CORIN: variants seen among roughly 807,000 people sequenced by gnomAD.
The protein encoded by CORIN is corin, serine peptidase, also known as atrial natriuretic peptide-converting enzyme.
CORIN carries 117 observed loss-of-function variants against 125.3 expected under a neutral mutation model. The ratio of observed to expected loss-of-function variants is 0.93; its 90% CI spans 0.80 to 1.09. The LOEUF (loss-of-function observed/expected upper bound fraction) is 1.09. Ranked by LOEUF, CORIN falls within the 50% of genes least tolerant of loss-of-function variation. The pLI is 0.00. For missense variants in CORIN, 1,253 were observed against 1,306.7 expected (o/e 0.96, Z 0.63); for synonymous variants, 450 against 466.4 (o/e 0.96, Z 0.45).
chr4:47,668,422 T>C (rs369803904), intron 10 of CORIN, among the ~76,000 whole-genome samples: 1 of 152,228 alleles, frequency 6.6e-6, no homozygotes, highest in Admixed American at 6.5e-5. Flanking sequence ...CTGTTTGCTT[T>C]TGCCAAAGCA....
intron 5 of CORIN, among the ~76,000 whole-genome samples, chr4:47,717,239 T>C (rs1045450120): frequency 6.6e-6 from 1 of 152,178 alleles, no homozygotes; most frequent in Non-Finnish European, 1.5e-5. Flanking sequence ...AACTCACGTA[T>C]ACGAACCAGT....
Position 47,796,412 on chromosome 4 carries a change from G to A in CORIN, c.209-9487C>T, listed in dbSNP as rs962408804. Reference sequence around the variant, plus strand: ...TCATAGAAGCAGAAAGCAGAATGGCGATTGCCAGAGGGGAAGAGGAAATAA... The same window carrying A: ...TCATAGAAGCAGAAAGCAGAATGGCAATTGCCAGAGGGGAAGAGGAAATAA... On this transcript the variant is annotated intron_variant, in intron 2 of 21. Transcript: ENST00000273857. Among the ~76,000 whole-genome samples, 7 of 152,054 alleles carry A rather than the reference G, an allele frequency of 4.6e-5. No homozygotes were observed. The East Asian group carries it at 5.8e-4, about 13-fold the overall frequency.
chr4:47,636,286 A>G (rs1723023266), intron 16 of CORIN, among the ~76,000 whole-genome samples: 1 of 152,226 alleles, frequency 6.6e-6, no homozygotes, highest in East Asian at 1.9e-4. Context: ...AAGCTTGTGG[A>G]GCCCAGAGAT....
At chr4:47,713,619 G>A (rs1726952284) in intron 5 of CORIN, among the ~76,000 whole-genome samples, 1 of 152,058 alleles carries the variant, frequency 6.6e-6, no homozygotes, top group African/African-American at 2.4e-5. Context: ...ACCTGCCTAA[G>A]ACTTTCTTGC....
chr4:47,668,634 T>C (rs370643783), intron 10 of CORIN, among the ~76,000 whole-genome samples: 20 of 152,254 alleles, frequency 1.3e-4, no homozygotes, highest in African/African-American at 4.1e-4. Flanking sequence ...CGTTTCTTTC[T>C]TTCTACCACC....
intron 5 of CORIN, among the ~76,000 whole-genome samples, chr4:47,713,993 G>C (rs983023175): frequency 1.3e-5 from 2 of 152,054 alleles, no homozygotes; most frequent in Non-Finnish European, 2.9e-5. Context: ...AATTAAAATA[G>C]AGGTACCTCA....
Position 47,733,815 on chromosome 4 carries a change from A to G in CORIN, c.799+10587T>C, listed in dbSNP as rs1249828888. Among the ~76,000 whole-genome samples the G allele has an allele frequency of 2.0e-5, 3 of 152,258 alleles. No individual in the cohort carries two copies. In the South Asian group the frequency reaches 6.2e-4, roughly 31 times the overall value. ...ACAAGACCTAGCATCAACATAAGAT[A>G]GAAAGGATAAGACAACTGTGTGTCC... is the stretch of plus-strand genomic sequence containing the variant. On this transcript the variant is annotated intron_variant, in intron 5 of 21. Transcript: ENST00000273857.
At chr4:47,789,252 C>T (rs989039406) in intron 2 of CORIN, among the ~76,000 whole-genome samples, 2 of 151,892 alleles carry the variant, frequency 1.3e-5, no homozygotes, top group African/African-American at 4.8e-5. Flanking sequence ...TGCAGTGAGC[C>T]GAGTTTGCAC....
intron 2 of CORIN, among the ~76,000 whole-genome samples, chr4:47,801,008 C>T (rs547228131): frequency 5.3e-5 from 8 of 152,106 alleles, no homozygotes; most frequent in Admixed American, 4.6e-4. Flanking sequence ...CATGGCAGAC[C>T]TCCCTTCTCA....
chr4:47,708,718 G>T (rs1726697356), intron 5 of CORIN, among the ~76,000 whole-genome samples: 1 of 151,938 alleles, frequency 6.6e-6, no homozygotes. Flanking sequence ...CCCTCCTATT[G>T]CCTTTGTCAG....
At chr4:47,773,098 T>C (rs1008653689) in intron 3 of CORIN, among the ~76,000 whole-genome samples, 2 of 152,152 alleles carry the variant, frequency 1.3e-5, no homozygotes, top group African/African-American at 2.4e-5. Flanking sequence ...ACAAAGGCAC[T>C]TAGTGCTATA....
chr4:47,753,504 C>T (rs1026382469), intron 4 of CORIN, among the ~76,000 whole-genome samples: 9 of 152,020 alleles, frequency 5.9e-5, no homozygotes, highest in Non-Finnish European at 7.4e-5. Context: ...TTATCTCAAC[C>T]GCATCAGACA....
chr4:47,603,429 T>C lies in CORIN; in HGVS notation c.2780A>G (p.Tyr927Cys), dbSNP rs770851711. Reference protein sequence around the residue: ...EQWLEPDTYCYITGWGHMGNK... With the variant: ...EQWLEPDTYCCITGWGHMGNK... Reference sequence around the variant, plus strand: ...GCCCATGTGGCCCCAGCCTGTGATATAGCAGTACGTGTCAGGCTCTAGCCA... The same window carrying C: ...GCCCATGTGGCCCCAGCCTGTGATACAGCAGTACGTGTCAGGCTCTAGCCA... Residue 927 changes from tyrosine to cysteine, a missense_variant, in exon 20 of 22, where the codon TAT (tyrosine) becomes TGT (cysteine). Physicochemically the swap from Tyr to Cys is radical, Grantham distance 194 (BLOSUM62 -2). Coordinates refer to ENST00000273857, the MANE Select transcript of CORIN (RefSeq NM_006587.4). 8.7e-6 allele frequency: 14 copies of C among 1,614,064 alleles called. No homozygotes were observed. The highest frequency in any genetic ancestry group is 4.0e-5 in the African/African-American group (3 of 74,948).
rs544410989 is a variant in CORIN at position 47,810,775 on chromosome 4, T to C, written c.64-3728A>G. Among the ~76,000 whole-genome samples, 6 of 152,296 alleles carry C rather than the reference T, an allele frequency of 3.9e-5. No individual in the cohort carries two copies. In the East Asian group the frequency reaches 7.7e-4, roughly 20 times the overall value. On this transcript the variant is annotated intron_variant, in intron 1 of 21. Coordinates refer to ENST00000273857, the MANE Select transcript of CORIN (RefSeq NM_006587.4). ...TTTAACTTCAATTAGCAGCCCTCCA[T>C]AGGTGACTCGCATCTTTAAATAACA...
chr4:47,729,343 T>C (rs13135920), intron 5 of CORIN, among the ~76,000 whole-genome samples: 15,049 of 152,232 alleles, frequency 0.099, 887 homozygotes, highest in East Asian at 0.27. Flanking sequence ...GACAGCTGTT[T>C]CTTACATAGC....
chr4:47,741,250 C>T (rs1393508564), intron 5 of CORIN, among the ~76,000 whole-genome samples: 1 of 151,900 alleles, frequency 6.6e-6, no homozygotes, highest in African/African-American at 2.4e-5. Flanking sequence ...AAGAGGCAAC[C>T]TAATTTTAAA....
rs112753998 is a variant in CORIN, at chr4:47,782,142, C to G, written c.409+4583G>C. 1.8e-3 allele frequency among the ~76,000 whole-genome samples: 279 copies of G among 151,894 alleles called. 2 individuals carry two copies. The highest frequency in any genetic ancestry group is 6.1e-3 in the African/African-American group (253 of 41,452). ...GCTCATGACTGTAATCTCAGCACTT[C>G]GGGAGGCCAAGGTGGGCAGATCACT... On this transcript the variant is annotated intron_variant, in intron 3 of 21. Coordinates refer to ENST00000273857, the MANE Select transcript of CORIN (RefSeq NM_006587.4).
At chr4:47,806,797 AT>A (rs980554715) in intron 2 of CORIN, 105 bp downstream of exon 2, 1 of 1,198,212 alleles carries the variant, frequency 8.3e-7, no homozygotes, top group African/African-American at 1.5e-5. Flanking sequence ...TAATCCTCTC[AT>A]TGACTGACAC....
intron 3 of CORIN, among the ~76,000 whole-genome samples, chr4:47,779,513 T>G (rs1437761425): frequency 6.6e-6 from 1 of 151,720 alleles, no homozygotes; most frequent in Non-Finnish European, 1.5e-5. Context: ...CTCGGCTCAC[T>G]GCAACCTCCG....
Sources: gnomAD v4.1 joint callset for allele counts (sites outside exome capture counted in the v4.1 genomes callset) on GRCh38, gnomAD v4.1.1 for gene constraint, MANE v1.5 for transcripts, NCBI Gene and HGNC (gene_info 2026-07-23, HGNC 2026-07-21) for gene names.